PLEKHG1: variants seen among roughly 807,000 people sequenced by gnomAD.
PLEKHG1 encodes pleckstrin homology domain-containing family G member 1.
In PLEKHG1, 44 loss-of-function variants were observed where a neutral mutation model predicts 100.8. The ratio of observed to expected loss-of-function variants is 0.44; its 90% CI spans 0.34 to 0.56. The LOEUF is 0.56. Among genes scored for constraint, PLEKHG1 ranks in the 20% least tolerant of loss-of-function variants. The probability of loss-of-function intolerance (pLI) is 0.01; values close to 1 mark genes in which losing one functional copy is unlikely to be tolerated. For synonymous variants in PLEKHG1, 640 were observed against 662.5 expected (o/e 0.97, Z 0.52); for missense variants, 1,545 against 1,720.9 (o/e 0.90, Z 1.81).
chr6:150,617,149 G>C (rs1363559016), intron 1 of PLEKHG1, among the ~76,000 whole-genome samples: 6 of 152,218 alleles, frequency 3.9e-5, no homozygotes, highest in Non-Finnish European at 8.8e-5. Context: ...AGGGTATCCT[G>C]AGTTTGGAGG....
intron 3 of PLEKHG1, among the ~76,000 whole-genome samples, chr6:150,674,355 C>T (rs1372652713): frequency 2.0e-5 from 3 of 152,134 alleles, no homozygotes; most frequent in Non-Finnish European, 4.4e-5. Context: ...CTTTTCATCT[C>T]TTAAGGAATT....
intron 3 of PLEKHG1, among the ~76,000 whole-genome samples, chr6:150,709,318 G>A (rs1312511695): frequency 6.6e-6 from 1 of 152,162 alleles, no homozygotes; most frequent in African/African-American, 2.4e-5. Context: ...CTGGGCGACA[G>A]AGCGAGACTC....
intron 2 of PLEKHG1, among the ~76,000 whole-genome samples, chr6:150,763,672 T>G (rs1784302203): frequency 6.6e-6 from 1 of 152,198 alleles, no homozygotes; most frequent in Non-Finnish European, 1.5e-5. Context: ...ACCAGCCACC[T>G]AGGAAGGAAA....
chr6:150,735,256 G>A (rs1434352346), intron 2 of PLEKHG1, among the ~76,000 whole-genome samples: 3 of 150,660 alleles, frequency 2.0e-5, no homozygotes, highest in Non-Finnish European at 4.4e-5. Flanking sequence ...AAAGTGCTGG[G>A]ATTACAGGCA....
intron 1 of PLEKHG1, among the ~76,000 whole-genome samples, chr6:150,612,045 T>C (rs1444462477): frequency 1.3e-3 from 97 of 77,260 alleles, no homozygotes; most frequent in African/African-American, 4.3e-3. Flanking sequence ...CTGGTGTTGT[T>C]CCCCCCCCCC....
chr6:150,822,177 A>AAAAAAAAAAAAAAAAAC (rs1278144184), intron 13 of PLEKHG1, among the ~76,000 whole-genome samples: 4 of 124,318 alleles, frequency 3.2e-5, no homozygotes, highest in Non-Finnish European at 5.3e-5. Context: ...AAAAAAAAAA[A>AAAAAAAAAAAAAAAAAC]AGAATAGGGC....
intron 3 of PLEKHG1, among the ~76,000 whole-genome samples, chr6:150,652,212 C>G (rs1778775364): frequency 6.6e-6 from 1 of 152,162 alleles, no homozygotes; most frequent in Non-Finnish European, 1.5e-5. Flanking sequence ...GGAGATATGC[C>G]TTTCTGTTAG....
At chr6:150,649,672 T>C (rs1236875190) in intron 2 of PLEKHG1, among the ~76,000 whole-genome samples, 1 of 147,394 alleles carries the variant, frequency 6.8e-6, no homozygotes, top group Admixed American at 6.7e-5. Flanking sequence ...AGGTCAGGAG[T>C]TCGAGACCAG....
chr6:150,731,852 G>A (rs1782276149), intron 1 of PLEKHG1, among the ~76,000 whole-genome samples: 1 of 152,116 alleles, frequency 6.6e-6, no homozygotes, highest in Admixed American at 6.5e-5. Flanking sequence ...TTAGAAATGA[G>A]GAAGATTGGA....
At chr6:150,716,675 G>T (rs1243364734), upstream of PLEKHG1, among the ~76,000 whole-genome samples, 3 of 152,098 alleles carry the variant, frequency 2.0e-5, no homozygotes, top group African/African-American at 7.2e-5. Flanking sequence ...GCCCCATTGT[G>T]GTCTCATTCC....
chr6:150,820,866 CA>C (rs1776255276), intron 12 of PLEKHG1, among the ~76,000 whole-genome samples: 1 of 151,830 alleles, frequency 6.6e-6, no homozygotes, highest in South Asian at 2.1e-4. Flanking sequence ...TCTCAGTCTC[CA>C]AAAAAGAATG....
chr6:150,714,056 T>C (rs1266345225), intron 3 of PLEKHG1, among the ~76,000 whole-genome samples: 2 of 152,198 alleles, frequency 1.3e-5, no homozygotes, highest in African/African-American at 4.8e-5. Flanking sequence ...TTCAAAAGTA[T>C]AGATTGTGTT....
intron 7 of PLEKHG1, 25 bp downstream of exon 8, chr6:150,804,766 C>T (rs370576146): frequency 1.1e-5 from 18 of 1,610,156 alleles, no homozygotes; most frequent in Middle Eastern, 3.3e-4. Flanking sequence ...TGTCGGTGCC[C>T]GGCAGGGTTG....
chr6:150,804,767 G>A (rs748792376), intron 7 of PLEKHG1, 26 bp downstream of exon 8: 83 of 1,610,104 alleles, frequency 5.2e-5, no homozygotes, highest in South Asian at 2.8e-4. Context: ...GTCGGTGCCC[G>A]GCAGGGTTGC....
intron 2 of PLEKHG1, among the ~76,000 whole-genome samples, chr6:150,765,735 C>T (rs886628163): frequency 5.9e-5 from 9 of 151,474 alleles, no homozygotes; most frequent in Non-Finnish European, 7.4e-5. Context: ...TATCACACAC[C>T]GATTCTTTTG....
chr6:150,788,392 G>T (rs757309608), intron 4 of PLEKHG1, among the ~76,000 whole-genome samples: 1 of 152,214 alleles, frequency 6.6e-6, no homozygotes, highest in Non-Finnish European at 1.5e-5. Flanking sequence ...AAGAGGTGAA[G>T]CTGACAGTTG....
At chr6:150,774,955 G>C (rs1380549003) in intron 3 of PLEKHG1, among the ~76,000 whole-genome samples, 2 of 151,928 alleles carry the variant, frequency 1.3e-5, no homozygotes, top group African/African-American at 2.4e-5. Flanking sequence ...TCTTTGTTCA[G>C]TATTGGTATA....
upstream of PLEKHG1, among the ~76,000 whole-genome samples, chr6:150,716,556 G>A (rs1781455385): frequency 6.6e-6 from 1 of 152,092 alleles, no homozygotes; most frequent in African/African-American, 2.4e-5. Flanking sequence ...CTGTTGCCTG[G>A]CTGCACAGTT....
chr6:150,819,775 G>A lies in PLEKHG1; in HGVS notation c.1408+1G>A. 6.5e-7 allele frequency: 1 copy of A among 1,541,770 alleles called. No individual in the cohort carries two copies. The highest frequency in any genetic ancestry group is 8.9e-7 in the Non-Finnish European group (1 of 1,128,018). ...CCATATCGGCTGAGAAGAAAATCTG[G>A]TAAGTAAGATGTTGTCATAAAAATT... On this transcript the variant is annotated splice_donor_variant, in intron 12 of 15. Coordinates refer to ENST00000358517, the Ensembl canonical transcript of PLEKHG1. LOFTEE classifies it high-confidence loss of function.
Sources: gnomAD v4.1 joint callset for allele counts (sites outside exome capture counted in the v4.1 genomes callset) on GRCh38, gnomAD v4.1.1 for gene constraint, MANE v1.5 for transcripts, NCBI Gene and HGNC (gene_info 2026-07-23, HGNC 2026-07-21) for gene names.